The following PCDH15 variants were observed in gnomAD, a reference collection of about 807,000 sequenced individuals.
PCDH15 encodes protocadherin-15.
PCDH15 carries 129 observed loss-of-function variants against 178.5 expected under a neutral mutation model. The observed-to-expected ratio is 0.72, with a 90% CI of 0.63 to 0.84. The LOEUF (loss-of-function observed/expected upper bound fraction) is 0.84. Ranked by LOEUF, PCDH15 falls within the 40% of genes least tolerant of loss-of-function variation. PCDH15 has a pLI of 0.00. For synonymous variants in PCDH15, 800 were observed against 732.0 expected (o/e 1.09, Z -1.50); for missense variants, 2,230 against 2,099.9 (o/e 1.06, Z -1.21).
chr10:54,691,828 C>T (rs2095126596), intron 1 of PCDH15, among the ~76,000 whole-genome samples: 1 of 152,038 alleles, frequency 6.6e-6, no homozygotes, highest in Admixed American at 6.6e-5. Flanking sequence ...GAGTTTAACA[C>T]ACTCATAAAT....
intron 2 of PCDH15, among the ~76,000 whole-genome samples, chr10:55,080,860 GC>G (rs1842023772): frequency 6.6e-6 from 1 of 152,106 alleles, no homozygotes; most frequent in African/African-American, 2.4e-5. Flanking sequence ...GCTGCTCCCA[GC>G]CCCAGACAGT....
intron 5 of PCDH15, among the ~76,000 whole-genome samples, chr10:54,351,116 A>G (rs113335787): frequency 2.1e-4 from 32 of 152,246 alleles, no homozygotes; most frequent in African/African-American, 7.5e-4. Flanking sequence ...TTAAAAAAAA[A>G]AAAAGATAGA....
At chr10:54,692,691 A>ATAACTCCAAACAGCCCTGATTGAG (rs2095144667) in intron 1 of PCDH15, among the ~76,000 whole-genome samples, 1 of 147,266 alleles carries the variant, frequency 6.8e-6, no homozygotes, top group African/African-American at 2.5e-5. Flanking sequence ...TTAAAAGCGA[A>ATAACTCCAAACAGCCCTGATTGAG]TAACTCCAAA....
chr10:53,843,970 G>A (rs1658381158), intron 28 of PCDH15, among the ~76,000 whole-genome samples: 1 of 152,058 alleles, frequency 6.6e-6, no homozygotes. Flanking sequence ...AACAGATCAT[G>A]GATTGATAAA....
In PCDH15 at chr10:54,130,242, A is replaced by G. The variant is rs144401085; in HGVS notation, c.1917+2633T>C. Among the ~76,000 whole-genome samples, 744 of 152,282 alleles carry G rather than the reference A, an allele frequency of 4.9e-3. 11 individuals are homozygous for G. Among genetic ancestry groups the G allele is most frequent in the African/African-American group, 0.017 (690 of 41,560 alleles). ...TGAATGCTTAACAAAAAAACTTTGA[A>G]GTGAAAGGCACTGATTTGTTGTATT... is the stretch of plus-strand genomic sequence containing the variant. On this transcript the variant is annotated intron_variant, in intron 15 of 37. Transcript: ENST00000644397.
At chr10:55,094,562 T>A (rs534742971) in intron 2 of PCDH15, among the ~76,000 whole-genome samples, 4 of 151,914 alleles carry the variant, frequency 2.6e-5, no homozygotes, top group South Asian at 2.1e-4. Context: ...TTAAAAAAAA[T>A]TAGGTAGTAT....
chr10:55,551,958 C>T (rs1842011141), intron 2 of PCDH15, among the ~76,000 whole-genome samples: 1 of 151,464 alleles, frequency 6.6e-6, no homozygotes, highest in Admixed American at 6.6e-5. Flanking sequence ...TTTATTCTTC[C>T]AATATCTGAA....
chr10:55,007,012 C>T (rs527929101), intron 2 of PCDH15, among the ~76,000 whole-genome samples: 111 of 152,186 alleles, frequency 7.3e-4, no homozygotes, highest in Non-Finnish European at 1.1e-3. Context: ...AGCACCTCCC[C>T]CCAGCACCCA....
intron 8 of PCDH15, among the ~76,000 whole-genome samples, chr10:54,310,835 A>T (rs1030832536): frequency 6.6e-6 from 1 of 152,016 alleles, no homozygotes; most frequent in Admixed American, 6.6e-5. Flanking sequence ...AAATAAATAA[A>T]AGTGATCAAA....
chr10:53,982,000 G>A (rs2090689066), intron 21 of PCDH15, among the ~76,000 whole-genome samples: 1 of 152,164 alleles, frequency 6.6e-6, no homozygotes, highest in Non-Finnish European at 1.5e-5. Context: ...CCATCAAAAA[G>A]GTGGCAAAGG....
At chr10:55,251,768 A>C (rs897720958) in intron 1 of PCDH15, among the ~76,000 whole-genome samples, 9 of 152,276 alleles carry the variant, frequency 5.9e-5, no homozygotes, top group African/African-American at 2.2e-4. Context: ...GTCAGGATAC[A>C]CTAGGTTATG....
At chr10:55,320,503 G>A (rs1843862697), upstream of PCDH15, among the ~76,000 whole-genome samples, 2 of 152,320 alleles carry the variant, frequency 1.3e-5, no homozygotes, top group South Asian at 4.1e-4. Context: ...CAAAGTTCCT[G>A]CTGTCACTGC....
intron 2 of PCDH15, among the ~76,000 whole-genome samples, chr10:55,060,815 A>G (rs1369142556): frequency 6.6e-6 from 1 of 152,086 alleles, no homozygotes; most frequent in Admixed American, 6.6e-5. Flanking sequence ...AAACAATACA[A>G]TGAAGAAGTG....
At chr10:55,498,468 C>T (rs1435459092) in intron 2 of PCDH15, among the ~76,000 whole-genome samples, 1 of 151,818 alleles carries the variant, frequency 6.6e-6, no homozygotes, top group East Asian at 1.9e-4. Context: ...TACTTTTCAT[C>T]AAGACACTTT....
In PCDH15 at chr10:54,185,799, C is replaced by G. The variant is rs559921007; in HGVS notation, c.1306-531G>C. On this transcript the variant is annotated intron_variant, in intron 11 of 37. Transcript: ENST00000644397. Reference sequence around the variant, plus strand: ...TCATTACCTATAAATATCATGCTTACTCTTTCTTATTTTAATGCTGTAAAA... The same window carrying G: ...TCATTACCTATAAATATCATGCTTAGTCTTTCTTATTTTAATGCTGTAAAA... Among the ~76,000 whole-genome samples, 3 of 152,082 alleles carry G rather than the reference C, an allele frequency of 2.0e-5. No individual in the cohort carries two copies. The South Asian group carries it at 6.2e-4, about 31-fold the overall frequency.
intron 1 of PCDH15, among the ~76,000 whole-genome samples, chr10:54,737,891 T>C (rs1416418794): frequency 1.3e-5 from 2 of 151,992 alleles, no homozygotes; most frequent in Non-Finnish European, 2.9e-5. Context: ...AAAATAAATA[T>C]CTATGCAATA....
chr10:54,226,513 G>T (rs1053114440), intron 9 of PCDH15, among the ~76,000 whole-genome samples: 6 of 152,130 alleles, frequency 3.9e-5, no homozygotes, highest in African/African-American at 1.4e-4. Flanking sequence ...AGCATGCATA[G>T]CATAGTGAGA....
intron 20 of PCDH15, among the ~76,000 whole-genome samples, chr10:54,018,419 A>G (rs555653131): frequency 6.6e-6 from 1 of 152,186 alleles, no homozygotes; most frequent in African/African-American, 2.4e-5. Flanking sequence ...AGTAATTATC[A>G]TAGGTAAATT....
intron 3 of PCDH15, among the ~76,000 whole-genome samples, chr10:54,522,105 A>T (rs2138250422): frequency 6.6e-6 from 1 of 151,822 alleles, no homozygotes; most frequent in East Asian, 1.9e-4. Context: ...AAAAAAAAAA[A>T]AAAAAGGAAT....
Sources: gnomAD v4.1 joint callset for allele counts (sites outside exome capture counted in the v4.1 genomes callset) on GRCh38, gnomAD v4.1.1 for gene constraint, MANE v1.5 for transcripts, NCBI Gene and HGNC (gene_info 2026-07-23, HGNC 2026-07-21) for gene names.